ASTN2: variants seen among roughly 807,000 people sequenced by gnomAD.
ASTN2 encodes astrotactin 2, also known as astrotactin-2.
In ASTN2, 54 loss-of-function variants were observed where a neutral mutation model predicts 139.8. The observed-to-expected ratio is 0.39, with a 90% CI of 0.31 to 0.48. The LOEUF (loss-of-function observed/expected upper bound fraction) is 0.48, where lower values mean the gene tolerates loss of function less well. Ranked by LOEUF, ASTN2 falls within the 20% of genes least tolerant of loss-of-function variation. ASTN2 has a pLI of 0.95. For missense variants in ASTN2, 1,565 were observed against 1,725.1 expected, an observed-to-expected ratio of 0.91 and a Z score of 1.64; for synonymous variants, 756 against 719.5, an observed-to-expected ratio of 1.05 and a Z score of -0.81.
At position 117,390,770 on chromosome 9, in the gene ASTN2, T is replaced by C. The variant is rs544184406; in HGVS notation, c.442+23727A>G. On this transcript the variant is annotated intron_variant, in intron 1 of 22. Transcript: ENST00000313400. Reference sequence around the variant, plus strand: ...TCACCTCACAACAGACATGTTGGTTTCCTCCACATTTTGACAATTATGAAT... The same window carrying C: ...TCACCTCACAACAGACATGTTGGTTCCCTCCACATTTTGACAATTATGAAT... 2.0e-5 allele frequency among the ~76,000 whole-genome samples: 3 copies of C among 152,354 alleles called. No homozygotes were observed. In the East Asian group the frequency reaches 5.8e-4, roughly 29 times the overall value.
intron 10 of ASTN2, among the ~76,000 whole-genome samples, chr9:116,934,198 A>G (rs1326939256): frequency 3.9e-5 from 6 of 152,026 alleles, no homozygotes; most frequent in Admixed American, 1.3e-4. Flanking sequence ...ACTGCTCCAA[A>G]GAGGTGCCTC....
At chr9:116,631,177 C>A (rs1335620878) in intron 17 of ASTN2, among the ~76,000 whole-genome samples, 3 of 152,108 alleles carry the variant, frequency 2.0e-5, no homozygotes, top group Non-Finnish European at 4.4e-5. Context: ...AATAAAACTA[C>A]CATATAATCC....
chr9:116,911,794 C>T (rs927730865), intron 10 of ASTN2, among the ~76,000 whole-genome samples: 3 of 152,054 alleles, frequency 2.0e-5, no homozygotes, highest in Non-Finnish European at 2.9e-5. Flanking sequence ...GTCTGGGAGG[C>T]TGAGGCAGGA....
chr9:117,214,799 G>T (rs1279768743), intron 2 of ASTN2, 57 bp from the exon 3 acceptor site: 5 of 1,412,188 alleles, frequency 3.5e-6, no homozygotes, highest in Non-Finnish European at 4.6e-6. Context: ...ATCGAGGGCT[G>T]CAGGGGATTT....
At chr9:116,615,060 C>T (rs1348991472) in intron 19 of ASTN2, among the ~76,000 whole-genome samples, 1 of 152,054 alleles carries the variant, frequency 6.6e-6, no homozygotes, top group Non-Finnish European at 1.5e-5. Flanking sequence ...AAAAAGTGGG[C>T]AAAGGATATG....
Position 116,425,819 on chromosome 9 carries a change from G to A in ASTN2, c.*32C>T, listed in dbSNP as rs1847288652. 5.6e-6 allele frequency: 9 copies of A among 1,613,656 alleles called. No homozygotes were observed. Among genetic ancestry groups the A allele is most frequent in the South Asian group, 2.2e-5 (2 of 91,062 alleles). ...AATACTGCTCCCCCTCCCATGGAGA[G>A]TCTCTGTGCTCACGGAGGGCAATAC... is the stretch of plus-strand genomic sequence containing the variant. On this transcript the variant is annotated 3_prime_UTR_variant, in exon 23 of 23. Coordinates refer to ENST00000313400, the MANE Select transcript of ASTN2 (RefSeq NM_001365068.1).
chr9:117,237,335 G>C (rs192373558), intron 2 of ASTN2, among the ~76,000 whole-genome samples: 1 of 152,062 alleles, frequency 6.6e-6, no homozygotes, highest in African/African-American at 2.4e-5. Context: ...CTTGCCCTCC[G>C]GCCCAGGGAT....
At position 117,222,209 on chromosome 9, in the gene ASTN2, C is replaced by T. The variant is rs115025859; in HGVS notation, c.631-7467G>A. Among the ~76,000 whole-genome samples the T allele has an allele frequency of 9.4e-3, 1,432 of 152,230 alleles. 29 individuals carry two copies. Among genetic ancestry groups the T allele is most frequent in the African/African-American group, 0.033 (1,370 of 41,546 alleles). ...CTTCCCCATTGACTAAGCTAAGAAT[C>T]CTGTAGTTTGACAGTTCAAGTCCTC... On this transcript the variant is annotated intron_variant, in intron 2 of 22. Coordinates refer to ENST00000313400, the MANE Select transcript of ASTN2 (RefSeq NM_001365068.1).
At chr9:117,066,013 T>C (rs1023095748) in intron 5 of ASTN2, among the ~76,000 whole-genome samples, 5 of 81,572 alleles carry the variant, frequency 6.1e-5, no homozygotes, top group African/African-American at 1.7e-4. Context: ...ACTCCCATTT[T>C]ATCTTTTTTT....
chr9:117,121,220 A>T (rs1474514323), intron 4 of ASTN2, among the ~76,000 whole-genome samples: 1 of 152,222 alleles, frequency 6.6e-6, no homozygotes, highest in Non-Finnish European at 1.5e-5. Context: ...AGAGTATCAC[A>T]TTGGTCTATT....
chr9:117,290,070 T>C (rs540756623), intron 2 of ASTN2, among the ~76,000 whole-genome samples: 77 of 152,188 alleles, frequency 5.1e-4, no homozygotes, highest in Non-Finnish European at 5.7e-4. Context: ...GATTGTTAAA[T>C]TGAAGGAAGC....
intron 10 of ASTN2, among the ~76,000 whole-genome samples, chr9:116,865,423 CAAAAAAAAAAAAAAA>C (rs869251101): frequency 7.0e-4 from 34 of 48,858 alleles, no homozygotes; most frequent in Non-Finnish European, 1.1e-3. Context: ...AACACTGTCT[CAAAAAAAAAAAAAAA>C]AAAAAAAAAA....
At chr9:116,964,606 T>A (rs1835963837) in intron 10 of ASTN2, among the ~76,000 whole-genome samples, 1 of 152,196 alleles carries the variant, frequency 6.6e-6, no homozygotes, top group Non-Finnish European at 1.5e-5. Flanking sequence ...CGTCAGAAGA[T>A]CCCTTCTAGT....
At chr9:116,478,381 G>A (rs1369200799) in intron 20 of ASTN2, among the ~76,000 whole-genome samples, 1 of 152,136 alleles carries the variant, frequency 6.6e-6, no homozygotes, top group Non-Finnish European at 1.5e-5. Flanking sequence ...CCAGAACAGA[G>A]CAGCACAAGA....
chr9:116,864,066 A>G (rs1311103058), intron 10 of ASTN2, among the ~76,000 whole-genome samples: 1 of 152,170 alleles, frequency 6.6e-6, no homozygotes, highest in African/African-American at 2.4e-5. Context: ...GCAGCTTACA[A>G]TGTGACCGAA....
intron 17 of ASTN2, among the ~76,000 whole-genome samples, chr9:116,623,353 G>A (rs779677174): frequency 2.0e-5 from 3 of 152,112 alleles, no homozygotes; most frequent in Admixed American, 6.5e-5. Context: ...CCAAAACCCC[G>A]AGGAACAGAA....
At position 116,447,122 on chromosome 9, in the gene ASTN2, T is replaced by A. The variant is rs893525687; in HGVS notation, c.3498-4569A>T. On this transcript the variant is annotated intron_variant, in intron 20 of 22. Transcript: ENST00000313400. Reference sequence around the variant, plus strand: ...GCTGCTGATGGTTCCAGAACATGGATCCCACCTCTGAACCTTTCCACCAGT... The same window carrying A: ...GCTGCTGATGGTTCCAGAACATGGAACCCACCTCTGAACCTTTCCACCAGT... Among the ~76,000 whole-genome samples, 3 of 152,134 alleles carry A rather than the reference T, an allele frequency of 2.0e-5. No homozygotes were observed. The East Asian group carries it at 5.8e-4, about 30-fold the overall frequency.
At chr9:116,641,397 C>T (rs1226833424) in intron 17 of ASTN2, among the ~76,000 whole-genome samples, 3 of 152,086 alleles carry the variant, frequency 2.0e-5, no homozygotes. Context: ...TTTGTAAGAC[C>T]TTGAGACAAG....
intron 1 of ASTN2, among the ~76,000 whole-genome samples, chr9:117,370,297 C>A (rs1829954916): frequency 6.6e-6 from 1 of 152,124 alleles, no homozygotes; most frequent in Non-Finnish European, 1.5e-5. Flanking sequence ...ACAAAAGCAA[C>A]TTTTCATCAT....
Sources: allele counts gnomAD v4.1 joint callset (sites outside exome capture counted in the v4.1 genomes callset), GRCh38; gene constraint gnomAD v4.1.1; transcripts MANE v1.5; gene names NCBI Gene and HGNC (gene_info 2026-07-23, HGNC 2026-07-21).